The following DAOA variants were observed in gnomAD, a reference collection of about 807,000 sequenced individuals.
DAOA encodes D-amino acid oxidase activator, also known as D-amino acid oxidase regulator.
A neutral mutation model predicts 16.4 loss-of-function variants in DAOA; 15 were observed. That is an observed-to-expected ratio of 0.91 (90% CI 0.61 to 1.41). DAOA has a LOEUF of 1.41. Ranked by LOEUF, DAOA falls within the 40% of genes most tolerant of loss-of-function variation. DAOA has a pLI of 0.00. For synonymous variants in DAOA, 75 were observed against 59.1 expected, an observed-to-expected ratio of 1.27 and a Z score of -1.23; for missense variants, 230 against 176.8, an observed-to-expected ratio of 1.30 and a Z score of -1.71.
chr13:105,474,927 G>C (rs1235638803), intron 4 of DAOA: 2 of 692,760 alleles, frequency 2.9e-6, no homozygotes, highest in Non-Finnish European at 3.6e-6. Flanking sequence ...AAATTAAGCA[G>C]AAGATTGTAT....
intron 4 of DAOA, among the ~76,000 whole-genome samples, chr13:105,487,444 G>A (rs566807127): frequency 1.5e-4 from 23 of 152,158 alleles, no homozygotes; most frequent in Non-Finnish European, 2.6e-4. Flanking sequence ...AACAGGACTG[G>A]CAAACACTTT....
chr13:105,472,425 T>A lies in DAOA; in HGVS notation c.134-113T>A, dbSNP rs545819048. 23 of 1,391,078 alleles carry A rather than the reference T, an allele frequency of 1.7e-5. No homozygotes were observed. In the African/African-American group the frequency reaches 3.2e-4, roughly 19 times the overall value. The allele number at this position is 1,391,078 out of a possible 1,614,324, so 86.2% of individuals were successfully genotyped here. ...GTCTTAACCAAAAACCTCTGAAAAA[T>A]TAAGTAAAATGGACAATTCCTACAA... is the stretch of plus-strand genomic sequence containing the variant. On this transcript the variant is annotated intron_variant, in intron 3 of 5. Coordinates refer to ENST00000375936, the MANE Select transcript of DAOA (RefSeq NM_172370.5).
intron 4 of DAOA, among the ~76,000 whole-genome samples, chr13:105,475,503 G>C (rs1054516141): frequency 6.8e-6 from 1 of 146,064 alleles, no homozygotes; most frequent in Non-Finnish European, 1.5e-5. Context: ...GAGGAGTTAC[G>C]TTTTATGAGA....
intron 3 of DAOA, among the ~76,000 whole-genome samples, chr13:105,470,538 A>T (rs1876857488): frequency 6.6e-6 from 1 of 152,132 alleles, no homozygotes; most frequent in East Asian, 1.9e-4. Context: ...TTATTTTAGA[A>T]ATTCTACATA....
intron 4 of DAOA, among the ~76,000 whole-genome samples, chr13:105,481,417 C>A (rs1379751354): frequency 6.6e-6 from 1 of 152,104 alleles, no homozygotes; most frequent in Non-Finnish European, 1.5e-5. Flanking sequence ...ACTCCAGGGA[C>A]TCTGGTCTAA....
At chr13:105,477,874 C>T (rs1329040051) in intron 4 of DAOA, among the ~76,000 whole-genome samples, 4 of 152,166 alleles carry the variant, frequency 2.6e-5, no homozygotes, top group Non-Finnish European at 5.9e-5. Context: ...TTCCAAAAGG[C>T]ATGATTCTAT....
chr13:105,478,474 A>T (rs1262186940), intron 4 of DAOA, among the ~76,000 whole-genome samples: 1 of 152,204 alleles, frequency 6.6e-6, no homozygotes, highest in African/African-American at 2.4e-5. Context: ...TTAGGGGCTT[A>T]TATAAAATTC....
intron 4 of DAOA, among the ~76,000 whole-genome samples, chr13:105,479,108 A>C (rs1166990955): frequency 6.6e-6 from 1 of 152,110 alleles, no homozygotes; most frequent in Non-Finnish European, 1.5e-5. Context: ...CTTCGCTATA[A>C]ATTTCTCCTC....
At chr13:105,488,702 A>G (rs1205694296) in intron 4 of DAOA, among the ~76,000 whole-genome samples, 1 of 152,192 alleles carries the variant, frequency 6.6e-6, no homozygotes, top group African/African-American at 2.4e-5. Flanking sequence ...GGAAAAGTGA[A>G]AAACATATTT....
intron 5 of DAOA, chr13:105,490,499 T>C (rs944513962): frequency 3.9e-5 from 6 of 152,388 alleles, no homozygotes; most frequent in African/African-American, 1.4e-4. Context: ...CAAATAGTAA[T>C]GATGTCTCCC....
At chr13:105,486,169 T>C (rs1170980453) in intron 4 of DAOA, among the ~76,000 whole-genome samples, 1 of 152,198 alleles carries the variant, frequency 6.6e-6, no homozygotes, top group East Asian at 1.9e-4. Flanking sequence ...TTAAGGATGC[T>C]GTCCAGGATC....
chr13:105,469,550 A>G (rs1419813906), intron 3 of DAOA, among the ~76,000 whole-genome samples: 6 of 152,224 alleles, frequency 3.9e-5, no homozygotes, highest in Admixed American at 1.3e-4. Flanking sequence ...TGAGCTTATT[A>G]TAGGGGACTG....
At chr13:105,485,115 C>T (rs181119367) in intron 4 of DAOA, among the ~76,000 whole-genome samples, 1 of 152,232 alleles carries the variant, frequency 6.6e-6, no homozygotes, top group East Asian at 1.9e-4. Flanking sequence ...TTCTTCTATT[C>T]TGACTAAACA....
rs1878419769 is a variant in DAOA, at chr13:105,490,168, T to G, written c.*87T>G. ...TCACTGGACTCTGACGGACTCTGTGTCTGGGACCCAGCTGATAACACGTGG... is the reference window on the plus strand; with the variant it reads ...TCACTGGACTCTGACGGACTCTGTGGCTGGGACCCAGCTGATAACACGTGG... On this transcript the variant is annotated 3_prime_UTR_variant, in exon 5 of 6. Coordinates refer to ENST00000375936, the MANE Select transcript of DAOA (RefSeq NM_172370.5). 7.0e-7 allele frequency: 1 copy of G among 1,430,232 alleles called. No individual in the cohort carries two copies. The highest frequency in any genetic ancestry group is 1.4e-5 in the African/African-American group (1 of 69,956). The allele number at this position is 1,430,232 out of a possible 1,614,324, so 88.6% of individuals were successfully genotyped here. A position where few individuals can be genotyped will look rare whatever the true frequency, so the allele number is the denominator to read the frequency against.
chr13:105,488,888 G>T (rs955431423), intron 4 of DAOA, among the ~76,000 whole-genome samples: 3 of 152,176 alleles, frequency 2.0e-5, no homozygotes, highest in Admixed American at 2.0e-4. Context: ...AACATGGCTT[G>T]ACTGTTTGGG....
intron 4 of DAOA, among the ~76,000 whole-genome samples, chr13:105,473,871 T>G (rs1271542011): frequency 6.6e-6 from 1 of 152,118 alleles, no homozygotes. Context: ...GGAAAGCTAC[T>G]TAAATAAGCT....
intron 4 of DAOA, among the ~76,000 whole-genome samples, chr13:105,478,684 C>T (rs1427653404): frequency 6.6e-6 from 1 of 152,150 alleles, no homozygotes; most frequent in Admixed American, 6.5e-5. Flanking sequence ...TATTTCTGAG[C>T]ATCTTGACTC....
intron 3 of DAOA, among the ~76,000 whole-genome samples, chr13:105,469,381 A>C (rs1463597926): frequency 2.6e-5 from 4 of 152,232 alleles, no homozygotes; most frequent in African/African-American, 7.2e-5. Context: ...AATAATGACA[A>C]TGAGTGTAAA....
chr13:105,465,995 C>T (rs1004765056), upstream of DAOA: 9 of 321,538 alleles, frequency 2.8e-5, no homozygotes, highest in African/African-American at 1.9e-4. Context: ...CCACGAATAA[C>T]ATTTTCATTT....
Sources: allele counts gnomAD v4.1 joint callset (sites outside exome capture counted in the v4.1 genomes callset), GRCh38; gene constraint gnomAD v4.1.1; transcripts MANE v1.5; gene names NCBI Gene and HGNC (gene_info 2026-07-23, HGNC 2026-07-21).